The following RUNX1 variants were observed in gnomAD, a reference collection of about 807,000 sequenced individuals.
RUNX1 encodes the protein RUNX family transcription factor 1.
In RUNX1, 19 loss-of-function variants were observed where a neutral mutation model predicts 42.8. The ratio of observed to expected loss-of-function variants is 0.44; its 90% confidence interval spans 0.31 to 0.65. RUNX1 has a LOEUF of 0.65. Among genes scored for constraint, RUNX1 ranks in the 30% least tolerant of loss-of-function variants. The probability of loss-of-function intolerance (pLI) is 0.07; values close to 1 mark genes in which losing one functional copy is unlikely to be tolerated. For synonymous variants in RUNX1, 271 were observed against 289.4 expected (o/e 0.94, Z 0.64); for missense variants, 528 against 672.0 (o/e 0.79, Z 2.37).
At chr21:35,009,538 T>C (rs954946404) in intron 2 of RUNX1, among the ~76,000 whole-genome samples, 1 of 152,198 alleles carries the variant, frequency 6.6e-6, no homozygotes. Flanking sequence ...GACACACTTA[T>C]ATGAGCATCT....
chr21:34,819,740 C>G (rs980460681), intron 7 of RUNX1, among the ~76,000 whole-genome samples: 2 of 152,218 alleles, frequency 1.3e-5, no homozygotes, highest in African/African-American at 4.8e-5. Context: ...ACCGGGATGA[C>G]AGGACCATCA....
intron 2 of RUNX1, among the ~76,000 whole-genome samples, chr21:34,957,726 C>T (rs1313972719): frequency 2.0e-5 from 3 of 152,196 alleles, no homozygotes; most frequent in Non-Finnish European, 4.4e-5. Flanking sequence ...CGGAATGAGG[C>T]ACACACCTCC....
At chr21:34,821,320 A>G (rs757519882) in intron 7 of RUNX1, 32 of 1,144,688 alleles carry the variant, frequency 2.8e-5, no homozygotes, top group Non-Finnish European at 3.2e-5. Flanking sequence ...AAGTATTGAA[A>G]GTGTACCGGG....
intron 5 of RUNX1, among the ~76,000 whole-genome samples, chr21:34,873,612 G>A (rs2057770856): frequency 6.6e-6 from 1 of 152,242 alleles, no homozygotes; most frequent in Non-Finnish European, 1.5e-5. Flanking sequence ...CTCAAAGGAA[G>A]TTGCTGGGAT....
chr21:34,829,715 G>A (rs2057036721), intron 7 of RUNX1: 2 of 152,292 alleles, frequency 1.3e-5, no homozygotes, highest in Middle Eastern at 3.4e-3. Context: ...GTGTTTGATT[G>A]TAGCCTCCAC....
At chr21:34,820,514 G>C (rs1278664611) in intron 7 of RUNX1, among the ~76,000 whole-genome samples, 1 of 151,938 alleles carries the variant, frequency 6.6e-6, no homozygotes, top group Non-Finnish European at 1.5e-5. Flanking sequence ...ATATTAGCTG[G>C]GGGTGGTGGC....
chr21:35,033,707 T>C (rs568147715), intron 2 of RUNX1, among the ~76,000 whole-genome samples: 3 of 152,302 alleles, frequency 2.0e-5, no homozygotes, highest in African/African-American at 7.2e-5. Flanking sequence ...TAAATATGCA[T>C]TGGGATTTCT....
At chr21:34,997,977 G>A (rs1305973938) in intron 2 of RUNX1, among the ~76,000 whole-genome samples, 1 of 152,094 alleles carries the variant, frequency 6.6e-6, no homozygotes, top group African/African-American at 2.4e-5. Flanking sequence ...CTGAGCGTAT[G>A]GTCACCTGGC....
intron 2 of RUNX1, among the ~76,000 whole-genome samples, chr21:34,900,167 A>G (rs1007313549): frequency 1.3e-5 from 2 of 152,262 alleles, no homozygotes; most frequent in Non-Finnish European, 2.9e-5. Flanking sequence ...TCATTTGAAC[A>G]TGTAATCAAT....
intron 2 of RUNX1, among the ~76,000 whole-genome samples, chr21:35,043,948 A>C (rs1387077136): frequency 6.6e-6 from 1 of 152,218 alleles, no homozygotes. Flanking sequence ...AGAGCCTTGG[A>C]GAAAATAAAG....
chr21:34,873,943 G>A (rs1374353016), intron 5 of RUNX1, among the ~76,000 whole-genome samples: 3 of 152,186 alleles, frequency 2.0e-5, no homozygotes, highest in Non-Finnish European at 4.4e-5. Context: ...CCAGGGAGCC[G>A]ACAAAACGAG....
chr21:34,905,062 T>C (rs917596230), intron 2 of RUNX1, among the ~76,000 whole-genome samples: 9 of 152,178 alleles, frequency 5.9e-5, no homozygotes, highest in Admixed American at 5.2e-4. Context: ...CGCTGTCAAA[T>C]TGAGTCAGGT....
chr21:34,909,588 C>CAAA lies in RUNX1; in HGVS notation c.59-16628_59-16626dup, dbSNP rs10584066. 2.8e-4 allele frequency among the ~76,000 whole-genome samples: 21 copies of CAAA among 75,018 alleles called. 1 individual carries two copies. The highest frequency in any genetic ancestry group is 1.1e-3 in the African/African-American group (17 of 16,006). 49.2% of individuals were successfully genotyped at this position (75,018 alleles called of 152,430 possible). ...TTATACAGACCAGGTCACTGTTCCT[C>CAAA]AAAAAAAAAAAAAAAAAAAAGATGG... On this transcript the variant is annotated intron_variant, in intron 2 of 8. Transcript: ENST00000675419.
intron 2 of RUNX1, among the ~76,000 whole-genome samples, chr21:35,048,321 T>C (rs1388802959): frequency 6.6e-6 from 1 of 152,236 alleles, no homozygotes; most frequent in African/African-American, 2.4e-5. Flanking sequence ...ACTTTGGCCC[T>C]GAAGTCCCCA....
Position 34,973,114 on chromosome 21 carries a change from C to T in RUNX1, c.58+75728G>A, listed in dbSNP as rs149302049. On this transcript the variant is annotated intron_variant, in intron 2 of 8. Coordinates refer to ENST00000675419, the MANE Select transcript of RUNX1 (RefSeq NM_001754.5). ...AGATAGGCAGTAAGGCTCTTTCTCC[C>T]TCCATCTGTCTCTTAGAGACTATCT... Among the ~76,000 whole-genome samples the T allele has an allele frequency of 1.1e-3, 169 of 152,280 alleles. 2 individuals carry two copies. The highest frequency in any genetic ancestry group is 3.9e-3 in the African/African-American group (161 of 41,548).
intron 2 of RUNX1, among the ~76,000 whole-genome samples, chr21:35,009,634 G>A (rs187079572): frequency 3.9e-5 from 6 of 152,298 alleles, no homozygotes; most frequent in Non-Finnish European, 5.9e-5. Context: ...AGGACAATGG[G>A]CACTTCTCCC....
rs2058122350 is a variant in RUNX1, at chr21:34,895,428, T to C, written c.59-2465A>G. ...GCTGTTGGTGGACACATGTCCAGGG[T>C]CCCAGGAACTGGTGGGAGGGAATAT... On this transcript the variant is annotated intron_variant, in intron 2 of 8. Coordinates refer to ENST00000675419, the MANE Select transcript of RUNX1 (RefSeq NM_001754.5). Among the ~76,000 whole-genome samples, 4 of 152,222 alleles carry C rather than the reference T, an allele frequency of 2.6e-5. No homozygotes were observed. In the South Asian group the frequency reaches 8.3e-4, roughly 32 times the overall value.
chr21:34,886,810 C>G, intron 4 of RUNX1, 33 bp downstream of exon 4: 2 of 1,611,828 alleles, frequency 1.2e-6, no homozygotes, highest in Non-Finnish European at 1.7e-6. Flanking sequence ...CCGGCCTCCG[C>G]CTGTCCTCCC....
At chr21:34,990,082 G>A (rs2058924735) in intron 2 of RUNX1, among the ~76,000 whole-genome samples, 1 of 152,116 alleles carries the variant, frequency 6.6e-6, no homozygotes, top group Admixed American at 6.5e-5. Context: ...TTTCTGCACA[G>A]GGACTGACTC....
Sources: allele counts gnomAD v4.1 joint callset (sites outside exome capture counted in the v4.1 genomes callset), GRCh38; gene constraint gnomAD v4.1.1; transcripts MANE v1.5; gene names NCBI Gene and HGNC (gene_info 2026-07-23, HGNC 2026-07-21).